NDC1: variants seen among roughly 807,000 people sequenced by gnomAD.
The protein encoded by NDC1 is nucleoporin NDC1.
NDC1 carries 24 observed loss-of-function variants against 89.8 expected under a neutral mutation model. The ratio of observed to expected loss-of-function variants is 0.27; its 90% CI spans 0.19 to 0.38. NDC1 has a LOEUF of 0.38. Among genes scored for constraint, NDC1 ranks in the 10% least tolerant of loss-of-function variants. NDC1 has a pLI of 1.00. For missense variants in NDC1, 728 were observed against 797.6 expected (o/e 0.91, Z 1.05); for synonymous variants, 296 against 284.8 (o/e 1.04, Z -0.39).
intron 10 of NDC1, among the ~76,000 whole-genome samples, chr1:53,802,794 G>A (rs902962549): frequency 2.6e-5 from 4 of 152,152 alleles, no homozygotes; most frequent in African/African-American, 9.7e-5. Flanking sequence ...TGAACAGCAT[G>A]GCAAGAACAG....
chr1:53,772,292 A>G (rs780198815), intron 17 of NDC1, 37 bp downstream of exon 17: 6 of 1,597,594 alleles, frequency 3.8e-6, no homozygotes, highest in Non-Finnish European at 5.1e-6. Context: ...AGCTCCCCAG[A>G]ATAGGTATCA....
intron 14 of NDC1, among the ~76,000 whole-genome samples, chr1:53,790,522 C>T (rs371444830): frequency 5.9e-5 from 9 of 152,054 alleles, no homozygotes; most frequent in African/African-American, 1.4e-4. Flanking sequence ...GCCTGGTCAA[C>T]GTGGTAAAAC....
Position 53,825,926 on chromosome 1 carries a change from G to C in NDC1, c.466C>G (p.Pro156Ala), listed in dbSNP as rs1187741257. The C allele has an allele frequency of 4.3e-6, 7 of 1,611,196 alleles. No homozygotes were observed. In the African/African-American group the frequency reaches 6.7e-5, roughly 15 times the overall value. ...PCTGTNSFGS[P>A]AAQTCLNEYH... ...TCATTTAAGCAGGTTTGCGCAGCAG[G>C]GCTACCAAAGCTGAAGGGAAAAAAT... is the stretch of plus-strand genomic sequence containing the variant. Residue 156 changes from proline (P) to alanine (A), a missense_variant, in exon 5 of 18, where the codon CCT becomes GCT. Coordinates refer to ENST00000371429, the MANE Select transcript of NDC1 (RefSeq NM_018087.5).
intron 3 of NDC1, among the ~76,000 whole-genome samples, chr1:53,830,862 C>CA (rs963317098): frequency 1.4e-4 from 19 of 136,774 alleles, no homozygotes; most frequent in South Asian, 4.6e-4. Flanking sequence ...AACTCCGTCT[C>CA]AAAAAAAAAA....
intron 11 of NDC1, among the ~76,000 whole-genome samples, chr1:53,799,701 C>T (rs963157397): frequency 1.3e-5 from 2 of 152,110 alleles, no homozygotes; most frequent in African/African-American, 4.8e-5. Flanking sequence ...CAACAGCTTC[C>T]CCCTTCAGAG....
chr1:53,837,980 C>A (rs1329139430), intron 1 of NDC1, among the ~76,000 whole-genome samples: 4 of 152,256 alleles, frequency 2.6e-5, no homozygotes, highest in Non-Finnish European at 5.9e-5. Flanking sequence ...CCGTCCCACT[C>A]TGACCAGCTT....
chr1:53,816,998 T>A (rs955880278), intron 6 of NDC1, among the ~76,000 whole-genome samples: 1 of 152,170 alleles, frequency 6.6e-6, no homozygotes, highest in Non-Finnish European at 1.5e-5. Context: ...ACAGTAGATG[T>A]TGGCGTGGAT....
chr1:53,796,552 T>C, intron 13 of NDC1, 137 bp downstream of exon 13: 1 of 547,714 alleles, frequency 1.8e-6, no homozygotes, highest in Non-Finnish European at 3.1e-6. Flanking sequence ...AAATATTGGC[T>C]GTTTCATTTG....
chr1:53,790,262 G>A (rs1389302291), intron 14 of NDC1, among the ~76,000 whole-genome samples: 3 of 151,246 alleles, frequency 2.0e-5, no homozygotes, highest in Non-Finnish European at 4.4e-5. Flanking sequence ...CTACTTGGGA[G>A]GCTGAGGCAG....
rs535020035 is a variant in NDC1, at chr1:53,805,974, T to C, written c.984+451A>G. ...CTGTAATCCCAGCTACACGGGAGGC[T>C]GAGGCAGGAGAATGGCGTGAACCCG... On this transcript the variant is annotated intron_variant, in intron 9 of 17. Coordinates refer to ENST00000371429, the MANE Select transcript of NDC1 (RefSeq NM_018087.5). 3.3e-5 allele frequency among the ~76,000 whole-genome samples: 5 copies of C among 152,050 alleles called. No homozygotes were observed. The South Asian group carries it at 8.3e-4, about 25-fold the overall frequency.
chr1:53,792,101 C>A (rs1384091974), intron 14 of NDC1, among the ~76,000 whole-genome samples: 1 of 151,938 alleles, frequency 6.6e-6, no homozygotes, highest in Non-Finnish European at 1.5e-5. Flanking sequence ...CACCACTGCG[C>A]CTGGCTAATT....
rs1181157 is a variant in NDC1 at position 53,810,090 on chromosome 1, G to A, written c.704-344C>T. Reference sequence around the variant, plus strand: ...GACACAAATCAATATGTAGATAACCGATGTGCATTATAATCTGTGACCCAA... The same window carrying A: ...GACACAAATCAATATGTAGATAACCAATGTGCATTATAATCTGTGACCCAA... On this transcript the variant is annotated intron_variant, in intron 6 of 17. Coordinates refer to ENST00000371429, the MANE Select transcript of NDC1 (RefSeq NM_018087.5). Among the ~76,000 whole-genome samples, 10 of 152,272 alleles carry A rather than the reference G, an allele frequency of 6.6e-5. No homozygotes were observed. The East Asian group carries it at 7.7e-4, about 12-fold the overall frequency.
chr1:53,822,632 C>T (rs1156273605), intron 5 of NDC1, among the ~76,000 whole-genome samples: 1 of 151,520 alleles, frequency 6.6e-6, no homozygotes, highest in Non-Finnish European at 1.5e-5. Context: ...TGAGACTGGC[C>T]ATGGGATGGT....
At position 53,804,572 on chromosome 1, in the gene NDC1, G is replaced by A. The variant is rs558344727; in HGVS notation, c.985-563C>T. Among the ~76,000 whole-genome samples, 74 of 152,100 alleles carry A rather than the reference G, an allele frequency of 4.9e-4. 1 individual carries two copies. Among genetic ancestry groups the A allele is most frequent in the Non-Finnish European group, 1.0e-3 (70 of 68,016 alleles). On this transcript the variant is annotated intron_variant, in intron 9 of 17. Transcript: ENST00000371429. ...GCTCACTGCTACCTCCGCCTTACGG[G>A]TTCAAGCAATTCTCCTGCCTCAGCC...
chr1:53,819,857 G>A (rs4926614), intron 5 of NDC1, among the ~76,000 whole-genome samples: 2 of 151,930 alleles, frequency 1.3e-5, no homozygotes, highest in Non-Finnish European at 2.9e-5. Flanking sequence ...TAAGACAGGG[G>A]TGCCTTATCT....
intron 5 of NDC1, among the ~76,000 whole-genome samples, chr1:53,822,251 T>G (rs1648693378): frequency 6.6e-6 from 1 of 152,106 alleles, no homozygotes; most frequent in South Asian, 2.1e-4. Context: ...GAAGAATTAC[T>G]TGAACCTGGG....
chr1:53,830,738 T>G (rs1649032572), intron 3 of NDC1, among the ~76,000 whole-genome samples: 1 of 151,592 alleles, frequency 6.6e-6, no homozygotes, highest in Non-Finnish European at 1.5e-5. Flanking sequence ...GGTGCCTGCC[T>G]GTAATCCCAG....
intron 16 of NDC1, among the ~76,000 whole-genome samples, chr1:53,782,457 T>TA (rs1647220169): frequency 6.6e-6 from 1 of 152,116 alleles, no homozygotes; most frequent in Non-Finnish European, 1.5e-5. Context: ...GTTGAAATAA[T>TA]AGACTGCAAG....
intron 2 of NDC1, among the ~76,000 whole-genome samples, chr1:53,833,149 C>G (rs1002114909): frequency 6.6e-6 from 1 of 152,164 alleles, no homozygotes; most frequent in Non-Finnish European, 1.5e-5. Flanking sequence ...GCAAAACTTT[C>G]TTTCTTTCTT....
Sources: allele counts gnomAD v4.1 joint callset (sites outside exome capture counted in the v4.1 genomes callset), GRCh38; gene constraint gnomAD v4.1.1; transcripts MANE v1.5; gene names NCBI Gene and HGNC (gene_info 2026-07-23, HGNC 2026-07-21).